Variants in EPHB1 observed in about 807,000 individuals in gnomAD.
EPHB1 encodes ephrin type-B receptor 1.
In EPHB1, 30 loss-of-function variants were observed where a neutral mutation model predicts 94.4. The observed-to-expected ratio is 0.32, with a 90% CI of 0.24 to 0.43. The LOEUF (loss-of-function observed/expected upper bound fraction) is 0.43, where lower values mean the gene tolerates loss of function less well. Among genes scored for constraint, EPHB1 ranks in the 20% least tolerant of loss-of-function variants. EPHB1 has a pLI of 1.00. For synonymous variants in EPHB1, 522 were observed against 489.1 expected (o/e 1.07, Z -0.89); for missense variants, 1,055 against 1,308.3 (o/e 0.81, Z 2.99).
chr3:134,861,474 A>C (rs1274264815), intron 1 of EPHB1, among the ~76,000 whole-genome samples: 3 of 152,158 alleles, frequency 2.0e-5, no homozygotes, highest in Non-Finnish European at 4.4e-5. Context: ...TGAGACTTTC[A>C]GCAACCAGAC....
intron 1 of EPHB1, among the ~76,000 whole-genome samples, chr3:134,834,074 GACTA>G (rs2036628952): frequency 6.6e-6 from 1 of 152,128 alleles, no homozygotes. Context: ...TGGAAAAAAA[GACTA>G]ACTAGACCAA....
rs138343375 is a variant in EPHB1 at position 135,079,086 on chromosome 3, C to CAA, written c.806-27353_806-27352dup. Among the ~76,000 whole-genome samples the CAA allele has an allele frequency of 1.8e-3, 238 of 135,284 alleles. 2 individuals are homozygous for CAA. Among genetic ancestry groups the CAA allele is most frequent in the African/African-American group, 5.7e-3 (218 of 38,304 alleles). The allele number at this position is 135,284 out of a possible 152,430, so 88.8% of individuals were successfully genotyped here. A position where few individuals can be genotyped will look rare whatever the true frequency, so the allele number is the denominator to read the frequency against. On this transcript the variant is annotated intron_variant, in intron 3 of 15. Coordinates refer to ENST00000398015, the MANE Select transcript of EPHB1 (RefSeq NM_004441.5). ...AATCATGGACATACGTAAAAACAAG[C>CAA]AAAAAAAAAACAAAACAAACAAACA...
chr3:134,909,788 T>C lies in EPHB1; in HGVS notation c.59-16028T>C, dbSNP rs143921974. Among the ~76,000 whole-genome samples, 243 of 152,278 alleles carry C rather than the reference T, an allele frequency of 1.6e-3. 1 individual carries two copies. Among genetic ancestry groups the C allele is most frequent in the Middle Eastern group, 0.014 (4 of 292 alleles). ...TCCACAGGGAGAATTCAAAGCCAAG[T>C]GGACAAATGACTCTTTCCTTGAGCT... On this transcript the variant is annotated intron_variant, in intron 1 of 15. Coordinates refer to ENST00000398015, the MANE Select transcript of EPHB1 (RefSeq NM_004441.5).
chr3:135,049,444 A>G (rs1937102939), intron 3 of EPHB1, among the ~76,000 whole-genome samples: 1 of 152,184 alleles, frequency 6.6e-6, no homozygotes, highest in African/African-American at 2.4e-5. Context: ...GGTGGCATCA[A>G]CTGAGAACTC....
intron 9 of EPHB1, among the ~76,000 whole-genome samples, chr3:135,175,447 G>GT (rs1405766611): frequency 6.6e-6 from 1 of 152,194 alleles, no homozygotes; most frequent in African/African-American, 2.4e-5. Context: ...CTTTAAGGCT[G>GT]TAGTTAATCT....
At position 135,246,933 on chromosome 3, in the gene EPHB1, AAAACT is replaced by A. The variant is rs141902284; in HGVS notation, c.2497-1375_2497-1371del. On this transcript the variant is annotated intron_variant, in intron 13 of 15. Transcript: ENST00000398015. ...CTACATACTATGCATAGAAACTGTA[AAAACT>A]AAACTAACTGAAAATACTCACTTTT... is the stretch of plus-strand genomic sequence containing the variant. 6.6e-3 allele frequency among the ~76,000 whole-genome samples: 1,004 copies of A among 152,258 alleles called. 12 individuals are homozygous for A. Among genetic ancestry groups the A allele is most frequent in the African/African-American group, 0.023 (955 of 41,552 alleles).
intron 1 of EPHB1, among the ~76,000 whole-genome samples, chr3:134,804,338 AC>A (rs1311822382): frequency 6.6e-6 from 1 of 152,006 alleles, no homozygotes; most frequent in Non-Finnish European, 1.5e-5. Context: ...ATTCATTATC[AC>A]CAGAATAGCA....
chr3:135,091,713 A>T (rs1370416608), intron 3 of EPHB1, among the ~76,000 whole-genome samples: 2 of 152,082 alleles, frequency 1.3e-5, no homozygotes, highest in Admixed American at 1.3e-4. Flanking sequence ...GAGTAATGAG[A>T]TTTGTGTGAT....
intron 5 of EPHB1, among the ~76,000 whole-genome samples, chr3:135,150,535 T>A (rs1012268658): frequency 1.3e-5 from 2 of 152,198 alleles, no homozygotes; most frequent in African/African-American, 4.8e-5. Flanking sequence ...AGGACTCAGC[T>A]CTTACTTTCA....
chr3:134,817,190 T>A (rs371362437), intron 1 of EPHB1, among the ~76,000 whole-genome samples: 1 of 152,064 alleles, frequency 6.6e-6, no homozygotes, highest in South Asian at 2.1e-4. Context: ...TTTTTGTAAA[T>A]AAAAATAAAG....
At position 135,201,608 on chromosome 3, in the gene EPHB1, C is replaced by T. The variant is rs2107713087; in HGVS notation, c.2265C>T (p.Asn755=). 6.2e-7 allele frequency: 1 copy of T among 1,613,994 alleles called. No homozygotes were observed. The highest frequency in any genetic ancestry group is 1.1e-5 in the South Asian group (1 of 91,052). ...CTAGGAACATTCTGGTCAACAGTAA[C>T]CTGGTGTGCAAGGTGTCCGACTTTG... The part of the protein sequence containing the change: ...LAARNILVNS[N]LVCKVSDFGL... The change falls in exon 12 of 16, where the codon AAC becomes AAT. Residue 755 remains asparagine (N), a synonymous_variant. Transcript: ENST00000398015.
intron 1 of EPHB1, among the ~76,000 whole-genome samples, chr3:134,857,999 AG>A (rs745770042): frequency 1.5e-4 from 23 of 152,288 alleles, no homozygotes; most frequent in Non-Finnish European, 2.9e-4. Context: ...TGACCTGGTC[AG>A]GGTGGTTTCA....
chr3:135,107,352 A>G (rs1210372689), intron 4 of EPHB1, among the ~76,000 whole-genome samples: 1 of 152,176 alleles, frequency 6.6e-6, no homozygotes, highest in African/African-American at 2.4e-5. Flanking sequence ...ATTTCTCCCA[A>G]TATTCTCCCC....
intron 3 of EPHB1, among the ~76,000 whole-genome samples, chr3:135,046,120 G>A (rs562116356): frequency 1.4e-4 from 22 of 152,196 alleles, no homozygotes; most frequent in Non-Finnish European, 2.8e-4. Context: ...CAGTTTTCTC[G>A]CTGTTTTATG....
intron 3 of EPHB1, among the ~76,000 whole-genome samples, chr3:135,075,291 C>CAG (rs1229031626): frequency 6.6e-6 from 1 of 152,158 alleles, no homozygotes; most frequent in Non-Finnish European, 1.5e-5. Context: ...TCTAGAGTGC[C>CAG]AGAGTCTGCT....
Position 135,259,545 on chromosome 3 carries a change from C to G in EPHB1, c.*425C>G, listed in dbSNP as rs983070506. ...TTCTTTTCTTTTCTCCTTTCGTACTCCTCCCTGAGAGTCCCCTCCCTTCTC... is the reference window on the plus strand; with the variant it reads ...TTCTTTTCTTTTCTCCTTTCGTACTGCTCCCTGAGAGTCCCCTCCCTTCTC... On this transcript the variant is annotated 3_prime_UTR_variant, in exon 16 of 16. Coordinates refer to ENST00000398015, the MANE Select transcript of EPHB1 (RefSeq NM_004441.5). 5.0e-6 allele frequency: 1 copy of G among 200,744 alleles called. No individual in the cohort carries two copies. The highest frequency in any genetic ancestry group is 1.9e-4 in the South Asian group (1 of 5,312). 12.4% of individuals were successfully genotyped at this position (200,744 alleles called of 1,614,324 possible). A position where few individuals can be genotyped will look rare whatever the true frequency, so the allele number is the denominator to read the frequency against.
At chr3:134,819,145 T>C (rs2036331642) in intron 1 of EPHB1, among the ~76,000 whole-genome samples, 1 of 152,206 alleles carries the variant, frequency 6.6e-6, no homozygotes, top group South Asian at 2.1e-4. Flanking sequence ...GGATTTTTGC[T>C]GTATGCAGAG....
intron 3 of EPHB1, among the ~76,000 whole-genome samples, chr3:134,991,951 C>T (rs1054653403): frequency 3.3e-5 from 5 of 152,132 alleles, no homozygotes; most frequent in Non-Finnish European, 5.9e-5. Flanking sequence ...TCCAGGACTT[C>T]CCTTTGATGG....
At chr3:135,117,082 G>A (rs1939749858) in intron 4 of EPHB1, among the ~76,000 whole-genome samples, 1 of 152,232 alleles carries the variant, frequency 6.6e-6, no homozygotes, top group South Asian at 2.1e-4. Flanking sequence ...TAGATTCTGA[G>A]TGATATCCAC....
Sources: allele counts gnomAD v4.1 joint callset (sites outside exome capture counted in the v4.1 genomes callset), GRCh38; gene constraint gnomAD v4.1.1; transcripts MANE v1.5; gene names NCBI Gene and HGNC (gene_info 2026-07-23, HGNC 2026-07-21).